The following KCNAB3 variants were observed in gnomAD, a reference collection of about 807,000 sequenced individuals.
The protein encoded by KCNAB3 is potassium voltage-gated channel subfamily A regulatory beta subunit 3.
KCNAB3 carries 62 observed loss-of-function variants against 67.7 expected under a neutral mutation model. The observed-to-expected ratio is 0.92, with a 90% CI of 0.75 to 1.13. The LOEUF (loss-of-function observed/expected upper bound fraction) is 1.13. Ranked by LOEUF, KCNAB3 falls within the 50% of genes most tolerant of loss-of-function variation. The probability of loss-of-function intolerance (pLI) is 0.00; values close to 1 mark genes in which losing one functional copy is unlikely to be tolerated. For synonymous variants in KCNAB3, 212 were observed against 205.4 expected, an observed-to-expected ratio of 1.03 and a Z score of -0.27; for missense variants, 514 against 522.9, an observed-to-expected ratio of 0.98 and a Z score of 0.17.
chr17:7,923,784 C>T lies in KCNAB3; in HGVS notation c.975G>A (p.Lys325=), dbSNP rs1307506482. ...GAAGGTCCATGACTTTGGCTTGTTG[C>T]TTCTTGCCATCTTCACTCTGCACTT... ...KDKVQSEDGK[K]QQAKVMDLLP... The change falls in exon 12 of 14, where the codon AAG becomes AAA. Residue 325 remains lysine, a synonymous_variant. Transcript: ENST00000303790. 6.3e-7 allele frequency: 1 copy of T among 1,581,614 alleles called. No homozygotes were observed. The highest frequency in any genetic ancestry group is 2.3e-5 in the East Asian group (1 of 43,734).
rs1406030889 is a variant in KCNAB3 at position 7,922,007 on chromosome 17, G to T, written c.*1095C>A. The T allele has an allele frequency of 6.6e-6, 1 of 152,206 alleles. No individual in the cohort carries two copies. The highest frequency in any genetic ancestry group is 1.5e-5 in the Non-Finnish European group (1 of 68,056). The allele number at this position is 152,206 out of a possible 1,614,324, so 9.4% of individuals were successfully genotyped here. A position where few individuals can be genotyped will look rare whatever the true frequency, so the allele number is the denominator to read the frequency against. On this transcript the variant is annotated 3_prime_UTR_variant, in exon 14 of 14. Coordinates refer to ENST00000303790, the MANE Select transcript of KCNAB3 (RefSeq NM_004732.4). Reference sequence around the variant, plus strand: ...AGAAAACTGGGGCCTGGGGTATCTGGTGTCTTGGTCCTTGATGAGAACAGT... The same window carrying T: ...AGAAAACTGGGGCCTGGGGTATCTGTTGTCTTGGTCCTTGATGAGAACAGT...
intron 1 of KCNAB3, 157 bp from the exon 2 acceptor site, chr17:7,927,983 TC>T: frequency 1.3e-6 from 1 of 797,828 alleles, no homozygotes; most frequent in Non-Finnish European, 2.1e-6. Context: ...AAGTGCTATC[TC>T]CAGAGCAGAG....
In KCNAB3 at chr17:7,927,402, C is replaced by A. The variant is rs923191392; in HGVS notation, c.346G>T (p.Val116Leu). 8.1e-6 allele frequency: 13 copies of A among 1,613,848 alleles called. No individual in the cohort carries two copies. Among genetic ancestry groups the A allele is most frequent in the Non-Finnish European group, 1.1e-5 (13 of 1,180,014 alleles). ...SDETAEDVLT[V>L]AYEHGVNLFD... ...AGGTTTACACCATGCTCATAGGCTA[C>A]AGTCAGCACATCCTCTGCTGTCTAG... Residue 116 changes from valine (V) to leucine (L), a missense_variant, in exon 4 of 14, where the codon GTA (valine) becomes TTA (leucine). By Grantham distance (32) the Val-to-Leu change is conservative. Coordinates refer to ENST00000303790, the MANE Select transcript of KCNAB3 (RefSeq NM_004732.4).
intron 1 of KCNAB3, 166 bp from the exon 2 acceptor site, chr17:7,927,992 G>C: frequency 1.4e-6 from 1 of 727,602 alleles, no homozygotes; most frequent in Non-Finnish European, 2.3e-6. Context: ...CTCCAGAGCA[G>C]AGGTCCTAGG....
In KCNAB3 at chr17:7,925,690, G is replaced by T. The variant is rs745395373; in HGVS notation, c.531C>A (p.Ile177=). Residue 177 remains isoleucine (I), a synonymous_variant, in exon 7 of 14, where the codon ATC becomes ATA. Coordinates refer to ENST00000303790, the MANE Select transcript of KCNAB3 (RefSeq NM_004732.4). ...CCAGCCCCTAACTCTCACCCTCAAT[G>T]ATGTGCTTTCGGCTTAAACCTCGCT... ...ETERGLSRKH[I]IEGLRGSLER... is the part of the protein sequence containing the mutation. The T allele has an allele frequency of 1.2e-6, 2 of 1,614,034 alleles. No individual in the cohort carries two copies. Among genetic ancestry groups the T allele is most frequent in the Non-Finnish European group, 8.5e-7 (1 of 1,180,010 alleles).
At chr17:7,925,888 C>G in intron 6 of KCNAB3, 43 bp downstream of exon 6, 1 of 1,101,500 alleles carries the variant, frequency 9.1e-7, no homozygotes, top group Middle Eastern at 2.1e-4. Context: ...TTCACACATT[C>G]TTTGTAGGCC....
Position 7,927,643 on chromosome 17 carries a change from C to T in KCNAB3, c.324+14G>A. 6.2e-7 allele frequency: 1 copy of T among 1,614,090 alleles called. No homozygotes were observed. The highest frequency in any genetic ancestry group is 8.5e-7 in the Non-Finnish European group (1 of 1,179,974). ...CACCCCCACCACCCTGATTCTAGGT[C>T]CGATAACTTATACCTCATCTGAGAT... On this transcript the variant is annotated intron_variant, in intron 3 of 13. Coordinates refer to ENST00000303790, the MANE Select transcript of KCNAB3 (RefSeq NM_004732.4).
chr17:7,924,635 C>G lies in KCNAB3; in HGVS notation c.626-135G>C. On this transcript the variant is annotated intron_variant, in intron 8 of 13. Coordinates refer to ENST00000303790, the MANE Select transcript of KCNAB3 (RefSeq NM_004732.4). ...CATGAAAGTTAATATCTACTCTTTG[C>G]CTCTCTTCCTGTCCACATCCTGGAG... 2.1e-6 allele frequency: 3 copies of G among 1,407,796 alleles called. No homozygotes were observed. The South Asian group carries it at 5.1e-5, about 24-fold the overall frequency. 87.2% of individuals were successfully genotyped at this position (1,407,796 alleles called of 1,614,324 possible).
Position 7,925,737 on chromosome 17 carries a change from A to C in KCNAB3, c.495-11T>G, listed in dbSNP as rs1972207297. 6.2e-7 allele frequency: 1 copy of C among 1,613,864 alleles called. No individual in the cohort carries two copies. ...CGCTCGGTTTCTGCCCTGTAGGAAA[A>C]GGTAAGTCAAAGATGAGATGTGACA... On this transcript the variant is annotated splice_polypyrimidine_tract_variant and intron_variant, in intron 6 of 13. Transcript: ENST00000303790.
intron 4 of KCNAB3, chr17:7,927,042 C>A: frequency 2.8e-6 from 1 of 358,382 alleles, no homozygotes; most frequent in South Asian, 2.9e-5. Flanking sequence ...TTCCCTGCTC[C>A]TAGTGTGAAA....
Position 7,927,355 on chromosome 17 carries a change from G to A in KCNAB3, c.393C>T (p.Tyr131=), listed in dbSNP as rs778735525. Residue 131 remains tyrosine, a synonymous_variant, in exon 4 of 14, where the codon TAC becomes TAT. Transcript: ENST00000303790. ...GVNLFDTAEV[Y]AAGKAERTLG... ...ACCCCAGTCCTTACTTTCCTGCTGC[G>A]TACACTTCGGCGGTGTCAAACAGGT... 170 of 1,613,540 alleles carry A rather than the reference G, an allele frequency of 1.1e-4. No individual in the cohort carries two copies. The highest frequency in any genetic ancestry group is 1.4e-4 in the Non-Finnish European group (160 of 1,179,890).
At position 7,927,053 on chromosome 17, in the gene KCNAB3, C is replaced by T. The variant is rs564245874; in HGVS notation, c.404+291G>A. The T allele has an allele frequency of 7.6e-5, 29 of 380,578 alleles. 1 individual carries two copies. The highest frequency in any genetic ancestry group is 5.8e-4 in the East Asian group (11 of 19,094). 23.6% of individuals were successfully genotyped at this position (380,578 alleles called of 1,614,324 possible). On this transcript the variant is annotated intron_variant, in intron 4 of 13. Transcript: ENST00000303790. ...GGTTTTCCCTGCTCCTAGTGTGAAA[C>T]GGCATGATGTGTTTGAAAATTCATC... is the stretch of plus-strand genomic sequence containing the variant.
rs141499938 is a variant in KCNAB3 at position 7,929,839 on chromosome 17, C to T, written c.-404G>A. The T allele has an allele frequency of 6.0e-3, 6,491 of 1,073,600 alleles. 30 individuals are homozygous for T. The highest frequency in any genetic ancestry group is 7.0e-3 in the Non-Finnish European group (6,214 of 884,612). The allele number at this position is 1,073,600 out of a possible 1,614,324, so 66.5% of individuals were successfully genotyped here. On this transcript the variant is annotated 5_prime_UTR_variant, in exon 1 of 14. Coordinates refer to ENST00000303790, the MANE Select transcript of KCNAB3 (RefSeq NM_004732.4). This position sits in a 1 kb window ranked among gnomAD's most constrained non-coding sequence, Gnocchi z 5.7. The stretch of plus-strand genomic sequence containing the variant: ...GGACCCGCTGGGCTCCCAGCCGCGT[C>T]GGCAGCGGGCCCAGCTCATCAGCAT...
intron 7 of KCNAB3, 138 bp from the exon 8 acceptor site, chr17:7,925,321 AG>A (rs1972188132): frequency 1.6e-6 from 1 of 644,552 alleles, no homozygotes; most frequent in Admixed American, 2.4e-5. Flanking sequence ...TGAGGTCAGG[AG>A]TTTGAGACCA....
rs1373152769 is a variant in KCNAB3 at position 7,924,143 on chromosome 17, A to C, written c.832+2T>G. 14 of 1,614,162 alleles carry C rather than the reference A, an allele frequency of 8.7e-6. No individual in the cohort carries two copies. In the South Asian group the frequency reaches 1.4e-4, roughly 16 times the overall value. On this transcript the variant is annotated splice_donor_variant, in intron 10 of 13. Coordinates refer to ENST00000303790, the MANE Select transcript of KCNAB3 (RefSeq NM_004732.4). LOFTEE classifies it high-confidence loss of function. ...GTAAAGGCAGGGATGAGGGCTGCAA[A>C]CCAATCTTGTGGTAGAGCTCTGGCA...
intron 3 of KCNAB3, 41 bp downstream of exon 3, chr17:7,927,616 C>G (rs778417087): frequency 6.2e-7 from 1 of 1,612,510 alleles, no homozygotes; most frequent in Non-Finnish European, 8.5e-7. Context: ...TTCAAGTTCC[C>G]TCACCCCCAC....
chr17:7,923,951 G>C lies in KCNAB3; in HGVS notation c.927+17C>G, dbSNP rs370804500. On this transcript the variant is annotated intron_variant, in intron 11 of 13. Coordinates refer to ENST00000303790, the MANE Select transcript of KCNAB3 (RefSeq NM_004732.4). Reference sequence around the variant, plus strand: ...CCATATAGCCCAGTCCTGCCATCGAGAGCCCCCAGATCTCACCTTGATGGA... The same window carrying C: ...CCATATAGCCCAGTCCTGCCATCGACAGCCCCCAGATCTCACCTTGATGGA... 6.2e-6 allele frequency: 10 copies of C among 1,610,086 alleles called. No homozygotes were observed. In the East Asian group the frequency reaches 2.2e-4, roughly 36 times the overall value.
chr17:7,924,689 G>A, intron 8 of KCNAB3, 189 bp from the exon 9 acceptor site: 1 of 1,363,820 alleles, frequency 7.3e-7, no homozygotes, highest in African/African-American at 1.5e-5. Flanking sequence ...AGTTTTGGAG[G>A]CCTTCTGAGC....
rs1158860953 is a variant in KCNAB3, at chr17:7,922,880, C to T, written c.*222G>A. 1.7e-5 allele frequency: 10 copies of T among 581,942 alleles called. No homozygotes were observed. Among genetic ancestry groups the T allele is most frequent in the Non-Finnish European group, 2.8e-5 (9 of 323,936 alleles). The allele number at this position is 581,942 out of a possible 1,614,324, so 36.0% of individuals were successfully genotyped here. A position where few individuals can be genotyped will look rare whatever the true frequency, so the allele number is the denominator to read the frequency against. The stretch of plus-strand genomic sequence containing the variant: ...GATTTGCAAGAAGGGCCTAGAAAGA[C>T]GCAGCAGGGGGCGGGCGTGCTACTT... On this transcript the variant is annotated 3_prime_UTR_variant, in exon 14 of 14. Coordinates refer to ENST00000303790, the MANE Select transcript of KCNAB3 (RefSeq NM_004732.4).
Sources: gnomAD v4.1 joint callset for allele counts on GRCh38, gnomAD v4.1.1 for gene constraint, Gnocchi (gnomAD v3.1) non-coding constraint, MANE v1.5 for transcripts, NCBI Gene and HGNC (gene_info 2026-07-23, HGNC 2026-07-21) for gene names.